The following ALDH18A1 variants were observed in gnomAD, a reference collection of about 807,000 sequenced individuals.
The protein encoded by ALDH18A1 is delta-1-pyrroline-5-carboxylate synthase.
Under a neutral mutation model 88.8 loss-of-function variants are expected in ALDH18A1, and 44 were observed. The ratio of observed to expected loss-of-function variants is 0.50; its 90% CI spans 0.39 to 0.64. The LOEUF is 0.64. Among genes scored for constraint, ALDH18A1 ranks in the 30% least tolerant of loss-of-function variants. ALDH18A1 has a pLI of 0.00. For synonymous variants in ALDH18A1, 331 were observed against 372.1 expected, an observed-to-expected ratio of 0.89 and a Z score of 1.27; for missense variants, 782 against 1,009.5, an observed-to-expected ratio of 0.77 and a Z score of 3.05.
chr10:95,642,956 A>G (rs1589557880), intron 3 of ALDH18A1, 36 bp downstream of exon 3: 1 of 1,609,348 alleles, frequency 6.2e-7, no homozygotes, highest in South Asian at 1.1e-5. Context: ...TAAAAACCCA[A>G]TTTTAGTACA....
chr10:95,648,955 C>T (rs2097905504), intron 2 of ALDH18A1, among the ~76,000 whole-genome samples: 1 of 152,148 alleles, frequency 6.6e-6, no homozygotes, highest in African/African-American at 2.4e-5. Flanking sequence ...GAACTGGTTC[C>T]AAAACCTGAA....
Position 95,621,150 on chromosome 10 carries a change from T to C in ALDH18A1, c.1348A>G (p.Ser450Gly). The change falls in exon 12 of 18, where the codon AGC becomes GGC. Residue 450 changes from serine to glycine, a missense_variant. Physicochemically the swap from Ser to Gly is moderately conservative, Grantham distance 56. Transcript: ENST00000371224. The part of the protein sequence containing the change: ...LRQIAASSQD[S>G]VGRVLRRTRI... ...GTGCGGCGCAAAACACGTCCCACGC[T>C]GTCCTGGGAGGAGGCTGCGATCTGT... 3 of 1,614,066 alleles carry C rather than the reference T, an allele frequency of 1.9e-6. No individual in the cohort carries two copies. Among genetic ancestry groups the C allele is most frequent in the Non-Finnish European group, 2.5e-6 (3 of 1,180,024 alleles).
At chr10:95,621,967 G>A (rs2097853351) in intron 11 of ALDH18A1, among the ~76,000 whole-genome samples, 1 of 151,942 alleles carries the variant, frequency 6.6e-6, no homozygotes, top group African/African-American at 2.4e-5. Context: ...CTACGAAAAA[G>A]GCAAACTATA....
intron 12 of ALDH18A1, 27 bp downstream of exon 12, chr10:95,621,004 A>C (rs1335739006): frequency 4.4e-6 from 7 of 1,604,142 alleles, no homozygotes; most frequent in African/African-American, 1.3e-5. Flanking sequence ...ATGGCAGGGT[A>C]TTTATTCTCC....
chr10:95,622,841 AT>A (rs889009289), intron 11 of ALDH18A1, among the ~76,000 whole-genome samples: 1 of 152,040 alleles, frequency 6.6e-6, no homozygotes, highest in African/African-American at 2.4e-5. Context: ...CCGGCCCAGA[AT>A]TTTTTTAAAA....
At chr10:95,615,338 C>CA (rs71913331) in intron 13 of ALDH18A1, among the ~76,000 whole-genome samples, 14,505 of 123,268 alleles carry the variant, frequency 0.12, 854 homozygotes, top group Middle Eastern at 0.23. Flanking sequence ...GACCATGTCT[C>CA]AAAAAAAAAA....
intron 16 of ALDH18A1, among the ~76,000 whole-genome samples, chr10:95,610,548 C>T (rs915749577): frequency 6.6e-6 from 1 of 152,222 alleles, no homozygotes; most frequent in African/African-American, 2.4e-5. Flanking sequence ...CCTAAACTTC[C>T]TACTTATGGG....
chr10:95,614,254 A>G, intron 13 of ALDH18A1, 93 bp from the exon 14 acceptor site: 1 of 1,284,006 alleles, frequency 7.8e-7, no homozygotes, highest in East Asian at 2.3e-5. Context: ...ACATCTGTAC[A>G]CTCTGAGAAC....
At chr10:95,630,773 C>T (rs2097867838) in intron 7 of ALDH18A1, among the ~76,000 whole-genome samples, 1 of 152,014 alleles carries the variant, frequency 6.6e-6, no homozygotes, top group Non-Finnish European at 1.5e-5. Context: ...CTTTTTTCTC[C>T]AGGGTGGCTC....
intron 15 of ALDH18A1, among the ~76,000 whole-genome samples, chr10:95,612,802 A>G (rs1409709): frequency 0.39 from 58,760 of 152,092 alleles, 12,948 homozygotes; most frequent in Admixed American, 0.5. Flanking sequence ...GTGCCCAATC[A>G]ACAGGCTTCC....
chr10:95,632,733 G>A (rs534891526), intron 7 of ALDH18A1, among the ~76,000 whole-genome samples: 1 of 152,224 alleles, frequency 6.6e-6, no homozygotes, highest in South Asian at 2.1e-4. Flanking sequence ...TGTTATTTAA[G>A]GAAAACAACT....
chr10:95,625,282 A>G (rs1371786384), intron 11 of ALDH18A1, 80 bp downstream of exon 11: 9 of 1,104,626 alleles, frequency 8.1e-6, no homozygotes. Context: ...TTAGGCAGAC[A>G]TAAGAATTAT....
In ALDH18A1 at chr10:95,643,040, C is replaced by A. The variant is rs2097894802; in HGVS notation, c.255G>T (p.Gly85=). The change falls in exon 3 of 18, where the codon GGG becomes GGT. Residue 85 remains glycine, a synonymous_variant. Coordinates refer to ENST00000371224, the MANE Select transcript of ALDH18A1 (RefSeq NM_002860.4). ...GCCCCAGGGCCAGGCCACATTCATC[C>A]CCTCGGGTCACCACGGCACTGCCGA... ...VKLGSAVVTR[G]DECGLALGRL... 2 of 1,613,808 alleles carry A rather than the reference C, an allele frequency of 1.2e-6. No individual in the cohort carries two copies. The highest frequency in any genetic ancestry group is 1.7e-5 in the Admixed American group (1 of 59,996).
At chr10:95,610,991 G>T (rs994215962) in intron 16 of ALDH18A1, among the ~76,000 whole-genome samples, 2 of 152,174 alleles carry the variant, frequency 1.3e-5, no homozygotes, top group African/African-American at 4.8e-5. Flanking sequence ...TGTAAGATTT[G>T]CTGCACGCAT....
chr10:95,629,850 G>A (rs1183240690), intron 7 of ALDH18A1, among the ~76,000 whole-genome samples: 1 of 152,060 alleles, frequency 6.6e-6, no homozygotes, highest in Non-Finnish European at 1.5e-5. Context: ...CCAATGACCC[G>A]ATTTTGGTGC....
intron 17 of ALDH18A1, among the ~76,000 whole-genome samples, chr10:95,608,783 G>A (rs560114421): frequency 6.6e-6 from 1 of 152,376 alleles, no homozygotes; most frequent in Admixed American, 6.5e-5. Flanking sequence ...TTACAGGTGT[G>A]AGCCACTGCC....
chr10:95,606,258 T>C lies in ALDH18A1; in HGVS notation c.*504A>G, dbSNP rs1255204050. ...GGTCAATCTTCCCAGTGGAAATGAT[T>C]CCATCGATTTTTGTGACTTTCTGAT... On this transcript the variant is annotated 3_prime_UTR_variant, in exon 18 of 18. Transcript: ENST00000371224. The C allele has an allele frequency of 1.0e-6, 1 of 998,192 alleles. No homozygotes were observed. The highest frequency in any genetic ancestry group is 1.2e-6 in the Non-Finnish European group (1 of 836,982). The allele number at this position is 998,192 out of a possible 1,614,324, so 61.8% of individuals were successfully genotyped here.
At chr10:95,622,932 C>T (rs1488645088) in intron 11 of ALDH18A1, among the ~76,000 whole-genome samples, 2 of 151,994 alleles carry the variant, frequency 1.3e-5, no homozygotes, top group Non-Finnish European at 2.9e-5. Context: ...CATGTATATA[C>T]TCAGGAAGAC....
intron 2 of ALDH18A1, among the ~76,000 whole-genome samples, chr10:95,648,530 C>G (rs1297810456): frequency 2.0e-5 from 3 of 152,104 alleles, no homozygotes; most frequent in Non-Finnish European, 4.4e-5. Context: ...GCAGCTTCTC[C>G]ATTAACAGGT....
Sources: gnomAD v4.1 joint callset for allele counts (sites outside exome capture counted in the v4.1 genomes callset) on GRCh38, gnomAD v4.1.1 for gene constraint, MANE v1.5 for transcripts, NCBI Gene and HGNC (gene_info 2026-07-23, HGNC 2026-07-21) for gene names.